VAMP7: variants seen among roughly 807,000 people sequenced by gnomAD.
The protein encoded by VAMP7 is vesicle-associated membrane protein 7.
In VAMP7, 14 loss-of-function variants were observed where a neutral mutation model predicts 29.6. The observed-to-expected ratio is 0.47, with a 90% confidence interval of 0.31 to 0.74. The LOEUF is 0.74. Ranked by LOEUF, VAMP7 falls within the 30% of genes least tolerant of loss-of-function variation. The pLI is 0.05. For missense variants in VAMP7, 223 were observed against 262.4 expected, an observed-to-expected ratio of 0.85 and a Z score of 1.04; for synonymous variants, 95 against 88.1, an observed-to-expected ratio of 1.08 and a Z score of -0.44.
intron 2 of VAMP7, 82 bp from the exon 3 acceptor site, chrX:155,895,541 C>A: frequency 1.0e-6 from 1 of 990,484 alleles, no homozygotes; most frequent in Non-Finnish European, 1.6e-6. Context: ...CAGTACTGAA[C>A]GTGCTTATAC....
intron 5 of VAMP7, among the ~76,000 whole-genome samples, chrX:155,912,605 G>A (rs917728397): frequency 1.4e-4 from 21 of 151,710 alleles, no homozygotes; most frequent in African/African-American, 4.4e-4. Flanking sequence ...GTGAGAACAC[G>A]TGGTGTTTGG....
chrX:155,931,665 C>G (rs1337311743), intron 6 of VAMP7, among the ~76,000 whole-genome samples: 4 of 152,128 alleles, frequency 2.6e-5, no homozygotes, highest in African/African-American at 4.8e-5. Context: ...TGTAGGTTGC[C>G]TGTTCACTCT....
chrX:155,941,868 T>G lies in VAMP7; in HGVS notation c.595-15T>G, dbSNP rs779764036. On this transcript the variant is annotated splice_polypyrimidine_tract_variant and intron_variant, in intron 7 of 7. Transcript: ENST00000286448. ...TTGATTCAAGAAAATAAAATTGCTC[T>G]CCTCGTCCCTCCAGGTGTTCATCTA... 39 of 1,611,712 alleles carry G rather than the reference T, an allele frequency of 2.4e-5. No individual in the cohort carries two copies. Among genetic ancestry groups the G allele is most frequent in the Admixed American group, 6.7e-5 (4 of 59,606 alleles).
intron 6 of VAMP7, among the ~76,000 whole-genome samples, chrX:155,938,131 A>T (rs921272026): frequency 2.6e-5 from 4 of 152,120 alleles, no homozygotes; most frequent in African/African-American, 9.7e-5. Context: ...AAATTTTTTT[A>T]TTACTGTTAT....
chrX:155,884,008 G>T (rs1171669907), intron 1 of VAMP7, among the ~76,000 whole-genome samples: 1 of 150,784 alleles, frequency 6.6e-6, no homozygotes, highest in Non-Finnish European at 1.5e-5. Context: ...CACCATGCCC[G>T]GCCAAGAAAC....
At chrX:155,916,094 C>T (rs1297840328) in intron 5 of VAMP7, among the ~76,000 whole-genome samples, 1 of 152,178 alleles carries the variant, frequency 6.6e-6, no homozygotes, top group African/African-American at 2.4e-5. Context: ...GCATTGATCC[C>T]TTTACCATTA....
At chrX:155,917,864 A>G (rs2124342074) in intron 5 of VAMP7, among the ~76,000 whole-genome samples, 1 of 152,180 alleles carries the variant, frequency 6.6e-6, no homozygotes, top group East Asian at 1.9e-4. Flanking sequence ...TCTCTTCCGA[A>G]CTGGCAGGCA....
At chrX:155,885,471 A>C (rs2065853825) in intron 1 of VAMP7, among the ~76,000 whole-genome samples, 2 of 152,164 alleles carry the variant, frequency 1.3e-5, no homozygotes, top group South Asian at 4.1e-4. Flanking sequence ...ATCAGTTTAA[A>C]ATGGGGGTTT....
intron 6 of VAMP7, among the ~76,000 whole-genome samples, chrX:155,937,878 C>T (rs890293409): frequency 7.2e-5 from 11 of 152,066 alleles, no homozygotes; most frequent in Non-Finnish European, 1.3e-4. Flanking sequence ...ATCAGTTTTC[C>T]GTGTATCTTA....
chrX:155,901,048 A>C (rs2066054342), intron 5 of VAMP7, among the ~76,000 whole-genome samples: 1 of 151,962 alleles, frequency 6.6e-6, no homozygotes, highest in Admixed American at 6.6e-5. Flanking sequence ...TGAAAATGTC[A>C]ATTGGACTGA....
At chrX:155,932,709 G>C (rs973245702) in intron 6 of VAMP7, among the ~76,000 whole-genome samples, 4 of 152,170 alleles carry the variant, frequency 2.6e-5, no homozygotes, top group African/African-American at 9.6e-5. Flanking sequence ...TCTTTCTCTT[G>C]CCTGATTGCC....
intron 5 of VAMP7, among the ~76,000 whole-genome samples, chrX:155,914,451 G>T (rs747254041): frequency 6.6e-6 from 1 of 152,208 alleles, no homozygotes; most frequent in East Asian, 1.9e-4. Flanking sequence ...GTTTTCAAAG[G>T]GAATACTTCC....
rs2066766150 is a variant in VAMP7, at chrX:155,942,770, G to A, written c.*819G>A. The A allele has an allele frequency of 6.6e-6, 1 of 152,254 alleles. No homozygotes were observed. The highest frequency in any genetic ancestry group is 2.4e-5 in the African/African-American group (1 of 41,386). 9.4% of individuals were successfully genotyped at this position (152,254 alleles called of 1,614,324 possible). ...AATAGAATATGTAGTAGAGGGGGTG[G>A]GGAGGTAAATTCCTCTGACTTGCCA... On this transcript the variant is annotated 3_prime_UTR_variant, in exon 8 of 8. Transcript: ENST00000286448.
intron 5 of VAMP7, among the ~76,000 whole-genome samples, chrX:155,912,762 G>C (rs757026491): frequency 6.6e-6 from 1 of 152,038 alleles, no homozygotes; most frequent in Non-Finnish European, 1.5e-5. Context: ...GTCTATCATT[G>C]TTGGGCATTT....
chrX:155,905,966 T>C (rs2066140602), intron 5 of VAMP7, among the ~76,000 whole-genome samples: 1 of 48,238 alleles, frequency 2.1e-5, no homozygotes, highest in East Asian at 5.6e-4. Context: ...GTGTTGAATC[T>C]GTAGATCAAT....
intron 5 of VAMP7, among the ~76,000 whole-genome samples, chrX:155,909,542 T>C (rs2066204353): frequency 6.6e-6 from 1 of 152,230 alleles, no homozygotes; most frequent in African/African-American, 2.4e-5. Context: ...CCTTCTTTTC[T>C]AGATCCATAA....
At chrX:155,891,150 A>G (rs377580874) in intron 2 of VAMP7, among the ~76,000 whole-genome samples, 4 of 152,182 alleles carry the variant, frequency 2.6e-5, no homozygotes, top group African/African-American at 9.6e-5. Flanking sequence ...CTACACAGTC[A>G]TGTAGCTAGC....
At chrX:155,928,813 AT>A (rs376597302) in intron 6 of VAMP7, among the ~76,000 whole-genome samples, 61 of 152,338 alleles carry the variant, frequency 4.0e-4, no homozygotes, top group African/African-American at 1.4e-3. Context: ...CAGTGTTCAG[AT>A]GTTGACCTGA....
chrX:155,899,229 A>G (rs867322079), intron 4 of VAMP7, among the ~76,000 whole-genome samples: 10 of 151,614 alleles, frequency 6.6e-5, no homozygotes, highest in Middle Eastern at 3.4e-3. Context: ...TTTTTTTCCA[A>G]AGTGGTTGTA....
Sources: allele counts gnomAD v4.1 joint callset (sites outside exome capture counted in the v4.1 genomes callset), GRCh38; gene constraint gnomAD v4.1.1; transcripts MANE v1.5; gene names NCBI Gene and HGNC (gene_info 2026-07-23, HGNC 2026-07-21).